Variants in ZNF227 observed in about 807,000 individuals in gnomAD.
ZNF227 encodes zinc finger protein 227.
In ZNF227, 12 loss-of-function variants were observed where a neutral mutation model predicts 13.2. The ratio of observed to expected loss-of-function variants is 0.91; its 90% CI spans 0.58 to 1.47. The LOEUF is 1.47. Ranked by LOEUF, ZNF227 falls within the 40% of genes most tolerant of loss-of-function variation. The pLI is 0.00. For synonymous variants in ZNF227, 338 were observed against 326.0 expected (o/e 1.04, Z -0.40); for missense variants, 885 against 967.5 (o/e 0.91, Z 1.13).
chr19:44,217,457 C>T (rs777442620), intron 2 of ZNF227: 4 of 528,250 alleles, frequency 7.6e-6, no homozygotes, highest in Non-Finnish European at 1.1e-5. Context: ...TTTAATATCC[C>T]CAAGGTTACA....
intron 5 of ZNF227, among the ~76,000 whole-genome samples, chr19:44,233,925 T>C (rs1448841589): frequency 2.0e-5 from 3 of 151,850 alleles, no homozygotes; most frequent in African/African-American, 7.3e-5. Context: ...GGTGGTACCG[T>C]TGATTTATTT....
At chr19:44,230,925 AAATAT>A (rs1403193593) in intron 5 of ZNF227, among the ~76,000 whole-genome samples, 6 of 108,220 alleles carry the variant, frequency 5.5e-5, no homozygotes, top group South Asian at 2.8e-4. Flanking sequence ...AAAAAAAAAA[AAATAT>A]ATATATATAT....
At chr19:44,212,340 G>A (rs1017159377), upstream of ZNF227, among the ~76,000 whole-genome samples, 2 of 146,538 alleles carry the variant, frequency 1.4e-5, no homozygotes, top group South Asian at 2.2e-4. Context: ...CACACTCTCC[G>A]TAACCCTCTC....
At chr19:44,229,505 G>A (rs892285173) in intron 4 of ZNF227, among the ~76,000 whole-genome samples, 3 of 152,106 alleles carry the variant, frequency 2.0e-5, no homozygotes, top group Admixed American at 6.6e-5. Context: ...CCAACTACTC[G>A]GGAGGCTGAG....
upstream of ZNF227, chr19:44,208,018 T>C (rs1971250320): frequency 6.6e-6 from 1 of 152,242 alleles, no homozygotes; most frequent in Non-Finnish European, 1.5e-5. Flanking sequence ...GTACCACTTA[T>C]GTTCTAACAG....
chr19:44,220,872 T>C (rs1972423568), intron 3 of ZNF227, among the ~76,000 whole-genome samples: 1 of 151,130 alleles, frequency 6.6e-6, no homozygotes, highest in South Asian at 2.1e-4. Flanking sequence ...TGTGTTCTCA[T>C]TGTTCAGTTC....
intron 3 of ZNF227, among the ~76,000 whole-genome samples, chr19:44,224,722 A>G (rs1392239733): frequency 2.0e-5 from 3 of 152,114 alleles, no homozygotes; most frequent in Non-Finnish European, 4.4e-5. Flanking sequence ...TCTTTATCCA[A>G]TTTGCCAGTC....
intron 4 of ZNF227, 68 bp downstream of exon 4, chr19:44,228,640 A>G (rs772826911): frequency 6.6e-7 from 1 of 1,509,790 alleles, no homozygotes; most frequent in Non-Finnish European, 8.9e-7. Context: ...TCAGGTGTTT[A>G]AGGGTTTGGA....
chr19:44,225,134 T>G, intron 3 of ZNF227, among the ~76,000 whole-genome samples: 1 of 152,000 alleles, frequency 6.6e-6, no homozygotes, highest in Admixed American at 6.6e-5. Flanking sequence ...TGCCGAGAGA[T>G]CCGCTGTTAG....
At chr19:44,207,561 T>C (rs79416402), upstream of ZNF227, 1 of 152,114 alleles carries the variant, frequency 6.6e-6, no homozygotes, top group Non-Finnish European at 1.5e-5. Context: ...GCTGGGAAGT[T>C]TTTTCGCTCT....
upstream of ZNF227, among the ~76,000 whole-genome samples, chr19:44,211,813 CTTTTT>C (rs1176772105): frequency 4.2e-5 from 5 of 119,616 alleles, no homozygotes; most frequent in Non-Finnish European, 7.1e-5. Flanking sequence ...TTCCTCTGCC[CTTTTT>C]TTTTTTTTTT....
chr19:44,222,609 A>T (rs1260314118), intron 3 of ZNF227, among the ~76,000 whole-genome samples: 4 of 151,842 alleles, frequency 2.6e-5, no homozygotes, highest in Non-Finnish European at 5.9e-5. Flanking sequence ...TTGTACATTG[A>T]CTTTGTATCC....
chr19:44,208,494 TTC>T (rs1263820944), upstream of ZNF227, among the ~76,000 whole-genome samples: 1 of 152,218 alleles, frequency 6.6e-6, no homozygotes, highest in Non-Finnish European at 1.5e-5. Flanking sequence ...TCACAAATAC[TTC>T]TAGGTTGTAA....
At chr19:44,233,322 C>T (rs189373407) in intron 5 of ZNF227, among the ~76,000 whole-genome samples, 104 of 152,118 alleles carry the variant, frequency 6.8e-4, no homozygotes, top group African/African-American at 2.3e-3. Context: ...TATAGTAGTA[C>T]TCTTATTGCT....
upstream of ZNF227, among the ~76,000 whole-genome samples, chr19:44,211,813 CT>C (rs1176772105): frequency 0.037 from 4,470 of 119,546 alleles, 132 homozygotes; most frequent in Admixed American, 0.091. Context: ...TTCCTCTGCC[CT>C]TTTTTTTTTT....
intron 3 of ZNF227, among the ~76,000 whole-genome samples, chr19:44,221,977 A>G (rs1048019173): frequency 6.6e-6 from 1 of 152,230 alleles, no homozygotes; most frequent in African/African-American, 2.4e-5. Context: ...AGCTTTCTAC[A>G]TATGGCTAAC....
Position 44,235,207 on chromosome 19 carries a change from C to T in ZNF227, c.777C>T (p.Phe259=), listed in dbSNP as rs1195205509. ...PHPCGECGRG[F]SYSPRLPLHP... is the part of the protein sequence containing the mutation. ...CATGTGGTGAGTGTGGAAGGGGCTTCAGTTATAGCCCAAGGCTTCCCCTTC... is the reference window on the plus strand; with the variant it reads ...CATGTGGTGAGTGTGGAAGGGGCTTTAGTTATAGCCCAAGGCTTCCCCTTC... Residue 259 remains phenylalanine, a synonymous_variant, in exon 6 of 6, where the codon TTC becomes TTT. Coordinates refer to ENST00000313040, the MANE Select transcript of ZNF227 (RefSeq NM_182490.3). The T allele has an allele frequency of 1.2e-6, 2 of 1,614,054 alleles. No individual in the cohort carries two copies. Among genetic ancestry groups the T allele is most frequent in the South Asian group, 1.1e-5 (1 of 91,070 alleles).
At chr19:44,228,903 G>C in intron 4 of ZNF227, 1 of 362,678 alleles carries the variant, frequency 2.8e-6, no homozygotes, top group Non-Finnish European at 4.9e-6. Context: ...ACAGTGCACA[G>C]GACAGTGCCC....
chr19:44,209,195 G>A (rs1971283009), upstream of ZNF227, among the ~76,000 whole-genome samples: 1 of 152,078 alleles, frequency 6.6e-6, no homozygotes, highest in African/African-American at 2.4e-5. Context: ...TCCCAAACAT[G>A]CACATACAGA....
Sources: gnomAD v4.1 joint callset for allele counts (sites outside exome capture counted in the v4.1 genomes callset) on GRCh38, gnomAD v4.1.1 for gene constraint, MANE v1.5 for transcripts, NCBI Gene and HGNC (gene_info 2026-07-23, HGNC 2026-07-21) for gene names.